Variants in ARRB1 observed in about 807,000 individuals in gnomAD.
The protein encoded by ARRB1 is arrestin beta 1.
ARRB1 carries 21 observed loss-of-function variants against 56.8 expected under a neutral mutation model. That is an observed-to-expected ratio of 0.37 (90% confidence interval 0.26 to 0.53). The LOEUF is 0.53. ARRB1 is among the 20% of genes least tolerant of loss of function. The probability of loss-of-function intolerance (pLI) is 0.88; values close to 1 mark genes in which losing one functional copy is unlikely to be tolerated. For missense variants in ARRB1, 424 were observed against 553.7 expected (o/e 0.77, Z 2.35); for synonymous variants, 210 against 218.6 (o/e 0.96, Z 0.35).
intron 3 of ARRB1, among the ~76,000 whole-genome samples, chr11:75,285,633 A>G (rs1045277173): frequency 3.9e-5 from 6 of 151,992 alleles, no homozygotes; most frequent in Non-Finnish European, 7.4e-5. Flanking sequence ...TCACTATGGG[A>G]GAAGAATCTC....
intron 1 of ARRB1, 108 bp from the exon 2 acceptor site, chr11:75,290,147 C>G (rs1946573375): frequency 7.4e-7 from 1 of 1,348,318 alleles, no homozygotes; most frequent in Non-Finnish European, 1.0e-6. Flanking sequence ...GAGTGACTGA[C>G]AGGCACCATG....
In ARRB1 at chr11:75,326,632, C is replaced by T. The variant is rs73492811; in HGVS notation, c.20+24956G>A. ...CCCTTACCTGCCACAGCCTCTCTCC[C>T]ACACACCGTCTCCAGCAGTCTCACC... is the stretch of plus-strand genomic sequence containing the variant. On this transcript the variant is annotated intron_variant, in intron 1 of 15. Transcript: ENST00000420843. Among the ~76,000 whole-genome samples, 1,125 of 152,102 alleles carry T rather than the reference C, an allele frequency of 7.4e-3. 18 individuals carry two copies. Among genetic ancestry groups the T allele is most frequent in the African/African-American group, 0.026 (1,083 of 41,480 alleles).
chr11:75,300,079 C>A (rs534319264), intron 1 of ARRB1, among the ~76,000 whole-genome samples: 11 of 151,852 alleles, frequency 7.2e-5, no homozygotes, highest in African/African-American at 2.7e-4. Context: ...GTGGCACGTG[C>A]CTGTAATCCC....
At chr11:75,350,493 G>A (rs929080680) in intron 1 of ARRB1, among the ~76,000 whole-genome samples, 2 of 152,214 alleles carry the variant, frequency 1.3e-5, no homozygotes, top group Non-Finnish European at 2.9e-5. Flanking sequence ...GGGCAACGGG[G>A]AAAATAGGGT....
At chr11:75,284,679 G>A (rs191439783) in intron 3 of ARRB1, among the ~76,000 whole-genome samples, 9 of 152,192 alleles carry the variant, frequency 5.9e-5, no homozygotes, top group East Asian at 3.9e-4. Flanking sequence ...TGAGGTGGGC[G>A]GATCACTTGA....
chr11:75,341,818 T>C (rs1420150557), intron 1 of ARRB1, among the ~76,000 whole-genome samples: 1 of 152,216 alleles, frequency 6.6e-6, no homozygotes, highest in East Asian at 1.9e-4. Flanking sequence ...CAGGACATGC[T>C]TGGGGAGCCA....
At chr11:75,324,831 G>A (rs1160513306) in intron 1 of ARRB1, among the ~76,000 whole-genome samples, 4 of 152,186 alleles carry the variant, frequency 2.6e-5, no homozygotes, top group African/African-American at 7.2e-5. Flanking sequence ...TTTTTAAAAG[G>A]AGAAGAGAGC....
intron 12 of ARRB1, 93 bp downstream of exon 12, chr11:75,272,802 G>A: frequency 8.1e-7 from 1 of 1,241,412 alleles, no homozygotes; most frequent in South Asian, 1.2e-5. Flanking sequence ...CAGCTAAAAG[G>A]GCTGCAAACA....
In ARRB1 at chr11:75,281,105, G is replaced by A. The variant is rs74550237; in HGVS notation, c.452C>T (p.Ala151Val). 59 of 1,603,098 alleles carry A rather than the reference G, an allele frequency of 3.7e-5. No homozygotes were observed. The highest frequency in any genetic ancestry group is 1.3e-4 in the African/African-American group (10 of 74,806). The change falls in exon 7 of 16, where the codon GCG becomes GTG. Residue 151 changes from alanine (A) to valine (V), a missense_variant. Physicochemically the swap from Ala to Val is moderately conservative, Grantham distance 64. This residue lies in a region of ARRB1 where 301 missense variants were observed against 387.9 expected (regional missense o/e 0.78). Coordinates refer to ENST00000420843, the MANE Select transcript of ARRB1 (RefSeq NM_004041.5). ...GVDYEVKAFCAENLEEKIHKR... is the reference protein window; with the variant it reads ...GVDYEVKAFCVENLEEKIHKR... ...GTGGATCTTCTCCTCCAAATTCTCC[G>A]CGCAGAAGGCTTTGACTTCATAGTC...
intron 1 of ARRB1, among the ~76,000 whole-genome samples, chr11:75,342,670 G>T (rs935584351): frequency 9.2e-5 from 14 of 152,042 alleles, no homozygotes; most frequent in Admixed American, 7.9e-4. Context: ...CCCGGGAAAG[G>T]CTCAGTACAT....
intron 1 of ARRB1, among the ~76,000 whole-genome samples, chr11:75,305,005 CTTTT>C (rs1261057230): frequency 8.2e-6 from 1 of 121,958 alleles, no homozygotes; most frequent in Non-Finnish European, 1.8e-5. Flanking sequence ...CTTTTCTTTT[CTTTT>C]CTTTCTTTCT....
At chr11:75,287,637 G>A (rs1233788304) in intron 2 of ARRB1, among the ~76,000 whole-genome samples, 2 of 152,198 alleles carry the variant, frequency 1.3e-5, no homozygotes, top group African/African-American at 4.8e-5. Flanking sequence ...GGACACTGAG[G>A]CCCGGAGAGA....
At chr11:75,304,761 G>A (rs142215230) in intron 1 of ARRB1, among the ~76,000 whole-genome samples, 2 of 151,530 alleles carry the variant, frequency 1.3e-5, no homozygotes, top group Admixed American at 6.6e-5. Context: ...AAAATGTTAT[G>A]GTGCTGATGC....
intron 1 of ARRB1, chr11:75,335,142 C>A (rs1947582903): frequency 3.9e-6 from 1 of 256,324 alleles, no homozygotes; most frequent in Non-Finnish European, 9.0e-6. Context: ...CTGAGCACCA[C>A]CCGCCTTCAC....
intron 13 of ARRB1, among the ~76,000 whole-genome samples, chr11:75,269,917 G>A (rs35272648): frequency 0.017 from 2,535 of 152,310 alleles, 77 homozygotes; most frequent in African/African-American, 0.058. Flanking sequence ...CATCACCCTA[G>A]GAGACCACCC....
Position 75,263,386 on chromosome 11 carries a change from C to T in ARRB1, c.*2777G>A, listed in dbSNP as rs1196270433. 3.3e-5 allele frequency among the ~76,000 whole-genome samples: 5 copies of T among 152,234 alleles called. 1 individual carries two copies. Among genetic ancestry groups the T allele is most frequent in the Admixed American group, 2.0e-4 (3 of 15,288 alleles). On this transcript the variant is annotated 3_prime_UTR_variant, in exon 16 of 16. Coordinates refer to ENST00000420843, the MANE Select transcript of ARRB1 (RefSeq NM_004041.5). Reference sequence around the variant, plus strand: ...GTCCCTCGAGGCTGCAGCGTATGGCCGTGCAGCAGGGCACCTCTGGCCAAG... The same window carrying T: ...GTCCCTCGAGGCTGCAGCGTATGGCTGTGCAGCAGGGCACCTCTGGCCAAG...
chr11:75,311,962 G>T, intron 1 of ARRB1: 1 of 1,133,420 alleles, frequency 8.8e-7, no homozygotes, highest in Non-Finnish European at 1.2e-6. Context: ...GAACCAAGCA[G>T]CAGGGCCTGG....
At chr11:75,337,477 G>A (rs1037843586) in intron 1 of ARRB1, among the ~76,000 whole-genome samples, 1 of 152,188 alleles carries the variant, frequency 6.6e-6, no homozygotes, top group African/African-American at 2.4e-5. Flanking sequence ...TCAGCAGCTC[G>A]GGGCTCACTT....
chr11:75,303,527 C>CAA (rs1415443226), intron 1 of ARRB1: 3 of 454,416 alleles, frequency 6.6e-6, no homozygotes, highest in Non-Finnish European at 8.9e-6. Flanking sequence ...TCCTTCCATT[C>CAA]GTCTTTCTTA....
Sources: gnomAD v4.1 joint callset for allele counts (sites outside exome capture counted in the v4.1 genomes callset) on GRCh38, gnomAD v4.1.1 for gene constraint, gnomAD v4.1.1 regional missense constraint, MANE v1.5 for transcripts, NCBI Gene and HGNC (gene_info 2026-07-23, HGNC 2026-07-21) for gene names.